The following FGF13 variants were observed in gnomAD, a reference collection of about 807,000 sequenced individuals.
The protein encoded by FGF13 is fibroblast growth factor homologous factor 2.
Under a neutral mutation model 19.5 loss-of-function variants are expected in FGF13, and 2 were observed. The ratio of observed to expected loss-of-function variants is 0.10; its 90% CI spans 0.04 to 0.32. The LOEUF is 0.32. Among genes scored for constraint, FGF13 ranks in the 10% least tolerant of loss-of-function variants. The pLI is 1.00. For missense variants in FGF13, 113 were observed against 192.7 expected, an observed-to-expected ratio of 0.59 and a Z score of 2.45; for synonymous variants, 72 against 76.9, an observed-to-expected ratio of 0.94 and a Z score of 0.33.
intron 3 of FGF13, among the ~76,000 whole-genome samples, chrX:138,802,293 T>C (rs1452838786): frequency 8.1e-5 from 9 of 111,445 alleles, no homozygotes; most frequent in Non-Finnish European, 1.9e-5. Context: ...GGGAAAAGCA[T>C]AGTATGTCAG....
At position 139,169,826 on chromosome X, in the gene FGF13, G is replaced by A. The variant is rs747307660; in HGVS notation, c.-113+33590C>T. Among the ~76,000 whole-genome samples, 4 of 111,492 alleles carry A rather than the reference G, an allele frequency of 3.6e-5. No homozygotes were observed. In the South Asian group the frequency reaches 1.5e-3, roughly 42 times the overall value. ...GTCCCTAGATAAGCCTGCCTTTTTC[G>A]GTGCCCAACCATGACAGCAAGAGGC... On this transcript the variant is annotated intron_variant, in intron 1 of 2. Coordinates refer to the FGF13 transcript ENST00000421460.
chrX:138,920,334 G>GT (rs2091638388), intron 1 of FGF13, among the ~76,000 whole-genome samples: 1 of 110,686 alleles, frequency 9.0e-6, no homozygotes, highest in Admixed American at 9.7e-5. Flanking sequence ...TTTTTAGAGA[G>GT]TTTTTTTCGT....
chrX:138,823,292 A>G (rs1264164326), intron 3 of FGF13, among the ~76,000 whole-genome samples: 1 of 111,298 alleles, frequency 9.0e-6, no homozygotes, highest in East Asian at 2.8e-4. Flanking sequence ...CCGCCTGCGC[A>G]CTAGGAGGAG....
intron 1 of FGF13, among the ~76,000 whole-genome samples, chrX:139,036,246 C>T (rs1395205991): frequency 1.8e-5 from 2 of 111,415 alleles, no homozygotes; most frequent in African/African-American, 6.5e-5. Context: ...AGCCCAGATG[C>T]TGTCATATAT....
intron 1 of FGF13, among the ~76,000 whole-genome samples, chrX:138,995,335 G>A (rs139615403): frequency 0.01 from 1,152 of 110,056 alleles, 11 homozygotes; most frequent in African/African-American, 0.035. Context: ...TTTATTTTAC[G>A]TTTAGGAGTA....
Position 138,617,165 on chromosome X carries a change from A to G in FGF13, c.*15685T>C, listed in dbSNP as rs1325530545. 1.8e-5 allele frequency: 2 copies of G among 111,671 alleles called. No individual in the cohort carries two copies. The highest frequency in any genetic ancestry group is 3.8e-5 in the Non-Finnish European group (2 of 53,214). The allele number at this position is 111,671 out of a possible 1,213,427, so 9.2% of individuals were successfully genotyped here. On this transcript the variant is annotated 3_prime_UTR_variant, in exon 5 of 5. Transcript: ENST00000315930. ...ACATGGTGCACGCATTTGTCAATAC[A>G]CATGAATTGATATACCTAACAGGTT... is the stretch of plus-strand genomic sequence containing the variant.
upstream of FGF13, among the ~76,000 whole-genome samples, chrX:138,742,679 A>G (rs1013123204): frequency 1.8e-5 from 2 of 112,040 alleles, no homozygotes; most frequent in Non-Finnish European, 3.8e-5. Context: ...CATTGCGGTC[A>G]AGCAGCACAA....
rs780028793 is a variant in FGF13, at chrX:138,749,732, T to G, written c.218-40804A>C. ...TAGCACAGTTTAGAAATGCAGGCAG[T>G]TTGGAATGGCTGGAGCACAGATTTC... On this transcript the variant is annotated intron_variant, in intron 3 of 6. Transcript: ENST00000436198. 5.4e-5 allele frequency among the ~76,000 whole-genome samples: 6 copies of G among 111,006 alleles called. No homozygotes were observed. In the South Asian group the frequency reaches 1.9e-3, roughly 36 times the overall value.
At chrX:138,633,482 T>C (rs1024680277) in intron 4 of FGF13, among the ~76,000 whole-genome samples, 5 of 111,990 alleles carry the variant, frequency 4.5e-5, no homozygotes, top group African/African-American at 1.6e-4. Flanking sequence ...ATAAACCTCT[T>C]AGAAGTTTAA....
At chrX:138,974,872 T>C (rs1417513955) in intron 1 of FGF13, among the ~76,000 whole-genome samples, 1 of 112,582 alleles carries the variant, frequency 8.9e-6, no homozygotes, top group Admixed American at 9.4e-5. Context: ...CCTGTTTTCA[T>C]GAAACTCATA....
intron 2 of FGF13, among the ~76,000 whole-genome samples, chrX:138,858,600 T>C (rs2091271349): frequency 9.0e-6 from 1 of 111,353 alleles, no homozygotes; most frequent in Non-Finnish European, 1.9e-5. Flanking sequence ...AATGAGGCCA[T>C]TCCATTTCAC....
At chrX:138,796,748 C>G (rs941780290) in intron 3 of FGF13, among the ~76,000 whole-genome samples, 1 of 112,016 alleles carries the variant, frequency 8.9e-6, no homozygotes, top group Admixed American at 9.4e-5. Context: ...TAATGATCGT[C>G]ATTCTAACTA....
intron 1 of FGF13, among the ~76,000 whole-genome samples, chrX:139,087,026 G>A (rs780482584): frequency 8.8e-6 from 1 of 113,052 alleles, no homozygotes; most frequent in African/African-American, 3.2e-5. Context: ...GCTGGGCGCA[G>A]TGGCTCACGC....
chrX:139,052,239 G>GA (rs1422740335), intron 1 of FGF13, among the ~76,000 whole-genome samples: 1 of 111,128 alleles, frequency 9.0e-6, no homozygotes, highest in African/African-American at 3.3e-5. Context: ...AAAGTTAGTG[G>GA]AAAAAATGGA....
chrX:138,890,652 TACTC>T (rs1045835138), intron 1 of FGF13, among the ~76,000 whole-genome samples: 1 of 111,991 alleles, frequency 8.9e-6, no homozygotes, highest in Non-Finnish European at 1.9e-5. Flanking sequence ...TCTTTTTGCT[TACTC>T]ACTCAGTCTG....
chrX:139,020,995 C>T (rs1459470280), intron 1 of FGF13, among the ~76,000 whole-genome samples: 1 of 110,998 alleles, frequency 9.0e-6, no homozygotes, highest in Admixed American at 9.6e-5. Context: ...GAAATGTTGG[C>T]AGTGATTATG....
chrX:139,099,012 G>A (rs1173733380), intron 1 of FGF13, among the ~76,000 whole-genome samples: 1 of 111,483 alleles, frequency 9.0e-6, no homozygotes, highest in Non-Finnish European at 1.9e-5. Flanking sequence ...ATTCCTGACA[G>A]CCTGCTCCCT....
chrX:139,087,554 A>G (rs889323250), intron 1 of FGF13, among the ~76,000 whole-genome samples: 6 of 111,920 alleles, frequency 5.4e-5, no homozygotes, highest in African/African-American at 1.6e-4. Context: ...TCTTTCGATA[A>G]ACTGTACATA....
At chrX:138,771,520 G>A (rs1163953021) in intron 3 of FGF13, among the ~76,000 whole-genome samples, 1 of 111,119 alleles carries the variant, frequency 9.0e-6, no homozygotes, top group Non-Finnish European at 1.9e-5. Flanking sequence ...TAACTGGCTG[G>A]CCTCTATTTT....
Sources: gnomAD v4.1 joint callset for allele counts (sites outside exome capture counted in the v4.1 genomes callset) on GRCh38, gnomAD v4.1.1 for gene constraint, MANE v1.5 for transcripts, NCBI Gene and HGNC (gene_info 2026-07-23, HGNC 2026-07-21) for gene names.